Variants in R3HDM1 observed in about 807,000 individuals in gnomAD.
The protein encoded by R3HDM1 is R3H domain-containing protein 1.
R3HDM1 carries 46 observed loss-of-function variants against 141.1 expected under a neutral mutation model. That is an observed-to-expected ratio of 0.33 (90% CI 0.26 to 0.42). The LOEUF (loss-of-function observed/expected upper bound fraction) is 0.42. Among genes scored for constraint, R3HDM1 ranks in the 10% least tolerant of loss-of-function variants. R3HDM1 has a pLI of 1.00. For missense variants in R3HDM1, 1,184 were observed against 1,368.3 expected, an observed-to-expected ratio of 0.87 and a Z score of 2.12; for synonymous variants, 435 against 472.9, an observed-to-expected ratio of 0.92 and a Z score of 1.04.
intron 9 of R3HDM1, among the ~76,000 whole-genome samples, chr2:135,634,136 G>A (rs568459710): frequency 2.0e-5 from 3 of 152,078 alleles, no homozygotes; most frequent in South Asian, 4.2e-4. Context: ...TCACAAAGCT[G>A]TTTTTCGTCT....
intron 19 of R3HDM1, among the ~76,000 whole-genome samples, chr2:135,673,180 G>C (rs1049235269): frequency 6.6e-6 from 1 of 152,188 alleles, no homozygotes; most frequent in Admixed American, 6.5e-5. Context: ...AGGCATGGTG[G>C]TGCACACCCG....
intron 1 of R3HDM1, chr2:135,586,987 A>C (rs553178126): frequency 2.0e-6 from 2 of 985,034 alleles, no homozygotes; most frequent in Admixed American, 1.2e-4. Flanking sequence ...TTCAAAACTC[A>C]TGGTAACGGT....
At chr2:135,661,067 A>C (rs180823912) in intron 18 of R3HDM1, among the ~76,000 whole-genome samples, 61 of 152,086 alleles carry the variant, frequency 4.0e-4, no homozygotes, top group African/African-American at 1.4e-3. Flanking sequence ...TAAAATCTAA[A>C]TATGATTGAT....
Position 135,652,580 on chromosome 2 carries a change from A to G in R3HDM1, c.2028+548A>G, listed in dbSNP as rs762081821. ...ATATTTGTTAAAGATTTTTGCATCTATGTTCATGAAGGATATTGGTCTGCA... is the reference window on the plus strand; with the variant it reads ...ATATTTGTTAAAGATTTTTGCATCTGTGTTCATGAAGGATATTGGTCTGCA... On this transcript the variant is annotated intron_variant, in intron 18 of 26. Coordinates refer to ENST00000683871, the MANE Select transcript of R3HDM1 (RefSeq NM_001378107.1). Among the ~76,000 whole-genome samples, 7 of 152,290 alleles carry G rather than the reference A, an allele frequency of 4.6e-5. No homozygotes were observed. The East Asian group carries it at 5.8e-4, about 13-fold the overall frequency.
In R3HDM1 at chr2:135,621,528, A is replaced by C; in HGVS notation, c.338A>C (p.Glu113Ala). The C allele has an allele frequency of 6.3e-7, 1 of 1,595,894 alleles. No individual in the cohort carries two copies. Among genetic ancestry groups the C allele is most frequent in the Non-Finnish European group, 8.5e-7 (1 of 1,172,476 alleles). ...CAGATCCAGTTAACACAATCATTTG[A>C]GAAAGAAGAGAAGCCCTCAAAAGAT... ...KIQIQLTQSFEKEEKPSKDEA... is the reference protein window; with the variant it reads ...KIQIQLTQSFAKEEKPSKDEA... Residue 113 changes from glutamate to alanine, a missense_variant, in exon 6 of 27, where the codon GAG (glutamate) becomes GCG (alanine). Transcript: ENST00000683871.
chr2:135,608,445 A>G (rs780356923), intron 3 of R3HDM1, among the ~76,000 whole-genome samples: 1 of 152,190 alleles, frequency 6.6e-6, no homozygotes, highest in East Asian at 1.9e-4. Flanking sequence ...GATACCTTGT[A>G]TAGAACAGAT....
chr2:135,599,531 ATGT>A, intron 1 of R3HDM1, among the ~76,000 whole-genome samples: 1 of 152,200 alleles, frequency 6.6e-6, no homozygotes, highest in East Asian at 1.9e-4. Flanking sequence ...GGACTTCTAA[ATGT>A]TGTGTTAGAG....
chr2:135,586,036 C>T (rs1005468056), intron 1 of R3HDM1, among the ~76,000 whole-genome samples: 1 of 151,998 alleles, frequency 6.6e-6, no homozygotes, highest in African/African-American at 2.4e-5. Context: ...TTAACCATAC[C>T]TAAATTATTT....
rs1435111428 is a variant in R3HDM1, at chr2:135,650,009, A to G, written c.1725+6A>G. ...CCACCCAGCAATACTCTGTGGTACTATATCTCTATTCACCTCCTGCGTTGT... is the reference window on the plus strand; with the variant it reads ...CCACCCAGCAATACTCTGTGGTACTGTATCTCTATTCACCTCCTGCGTTGT... On this transcript the variant is annotated splice_donor_region_variant and intron_variant, in intron 17 of 26. Coordinates refer to ENST00000683871, the MANE Select transcript of R3HDM1 (RefSeq NM_001378107.1). 13 of 1,257,682 alleles carry G rather than the reference A, an allele frequency of 1.0e-5. No homozygotes were observed. The highest frequency in any genetic ancestry group is 1.2e-4 in the East Asian group (2 of 16,682). The allele number at this position is 1,257,682 out of a possible 1,614,324, so 77.9% of individuals were successfully genotyped here.
At chr2:135,559,382 G>A (rs1181504580) in intron 1 of R3HDM1, among the ~76,000 whole-genome samples, 1 of 152,088 alleles carries the variant, frequency 6.6e-6, no homozygotes, top group East Asian at 1.9e-4. Context: ...TTCCCAAAGT[G>A]CTGGGATTAC....
chr2:135,718,785 G>A (rs1019394548), intron 24 of R3HDM1, among the ~76,000 whole-genome samples: 1 of 151,986 alleles, frequency 6.6e-6, no homozygotes, highest in African/African-American at 2.4e-5. Context: ...CCCAGCACCA[G>A]GGTGGTTTTT....
In R3HDM1 at chr2:135,661,309, A is replaced by G; in HGVS notation, c.2068A>G (p.Ser690Gly). ...TTGCGCTCCAGGCCACTATCACTCC[A>G]GCCAACCTCAGTATCGCCCAGTCCC... The part of the protein sequence containing the change: ...CYCAPGHYHS[S>G]QPQYRPVPSV... The change falls in exon 19 of 27, where the codon AGC (serine) becomes GGC (glycine). Residue 690 changes from serine (S) to glycine (G), a missense_variant. Transcript: ENST00000683871. 1 of 1,614,034 alleles carries G rather than the reference A, an allele frequency of 6.2e-7. No homozygotes were observed. The highest frequency in any genetic ancestry group is 1.3e-5 in the African/African-American group (1 of 75,046).
At chr2:135,637,200 A>C (rs1031984607) in intron 11 of R3HDM1, among the ~76,000 whole-genome samples, 1 of 152,210 alleles carries the variant, frequency 6.6e-6, no homozygotes, top group African/African-American at 2.4e-5. Flanking sequence ...AAGGTGTAAT[A>C]GATGACACAG....
intron 21 of R3HDM1, among the ~76,000 whole-genome samples, chr2:135,699,021 A>T (rs1233640212): frequency 1.2e-4 from 15 of 120,212 alleles, no homozygotes; most frequent in East Asian, 6.1e-4. Context: ...ATAGATAGAT[A>T]GATAGATAGA....
rs774730741 is a variant in R3HDM1, at chr2:135,563,469, C to T, written c.-250+31836C>T. ...TTTTGGTTAGCATATGTCTTCCTTT[C>T]GGTAAGGGTGATTTATTTGATTTTA... On this transcript the variant is annotated intron_variant, in intron 1 of 26. Coordinates refer to ENST00000683871, the MANE Select transcript of R3HDM1 (RefSeq NM_001378107.1). Among the ~76,000 whole-genome samples the T allele has an allele frequency of 1.8e-4, 27 of 152,268 alleles. 1 individual carries two copies. Among genetic ancestry groups the T allele is most frequent in the Admixed American group, 7.2e-4 (11 of 15,302 alleles).
At chr2:135,581,314 C>T in intron 1 of R3HDM1, 1 of 985,386 alleles carries the variant, frequency 1.0e-6, no homozygotes, top group Non-Finnish European at 1.2e-6. Flanking sequence ...CTCATGCGTC[C>T]TTCCTTATAC....
chr2:135,675,184 G>A, intron 19 of R3HDM1, 148 bp from the exon 20 acceptor site: 2 of 765,552 alleles, frequency 2.6e-6, no homozygotes, highest in Non-Finnish European at 4.0e-6. Flanking sequence ...GGGCTAAAAT[G>A]TTATTTCATA....
rs368055094 is a variant in R3HDM1 at position 135,611,599 on chromosome 2, C to T, written c.172-4553C>T. On this transcript the variant is annotated intron_variant, in intron 3 of 26. Coordinates refer to ENST00000683871, the MANE Select transcript of R3HDM1 (RefSeq NM_001378107.1). ...ACTTAATTTTAACATAACCTCCCCA[C>T]ATTTTCAGTACAGTAGTTTTAATTC... 7.9e-5 allele frequency among the ~76,000 whole-genome samples: 12 copies of T among 152,240 alleles called. No homozygotes were observed. The East Asian group carries it at 1.5e-3, about 20-fold the overall frequency.
intron 14 of R3HDM1, among the ~76,000 whole-genome samples, chr2:135,641,167 C>G (rs2063751446): frequency 6.6e-6 from 1 of 152,140 alleles, no homozygotes; most frequent in Non-Finnish European, 1.5e-5. Flanking sequence ...GTACTAAATT[C>G]TTTTTCCTGG....
Sources: allele counts gnomAD v4.1 joint callset (sites outside exome capture counted in the v4.1 genomes callset), GRCh38; gene constraint gnomAD v4.1.1; transcripts MANE v1.5; gene names NCBI Gene and HGNC (gene_info 2026-07-23, HGNC 2026-07-21).